Variants in VWF observed in about 807,000 individuals in gnomAD.
VWF encodes the protein Factor VIII related antigen.
VWF carries 176 observed loss-of-function variants against 308.6 expected under a neutral mutation model. That is an observed-to-expected ratio of 0.57 (90% confidence interval 0.50 to 0.65). The LOEUF (loss-of-function observed/expected upper bound fraction) is 0.65, where lower values mean the gene tolerates loss of function less well. Among genes scored for constraint, VWF ranks in the 30% least tolerant of loss-of-function variants. The pLI is 0.00. For missense variants in VWF, 3,146 were observed against 3,648.2 expected (o/e 0.86, Z 3.55); for synonymous variants, 1,385 against 1,443.4 (o/e 0.96, Z 0.92).
chr12:6,086,123 T>G (rs1944969348), intron 6 of VWF, among the ~76,000 whole-genome samples: 2 of 152,098 alleles, frequency 1.3e-5, no homozygotes, highest in African/African-American at 4.8e-5. Flanking sequence ...GGAGCTCTGT[T>G]TACCTCAGAG....
At chr12:6,087,087 CA>C (rs1441839921) in intron 6 of VWF, among the ~76,000 whole-genome samples, 7 of 152,082 alleles carry the variant, frequency 4.6e-5, no homozygotes, top group Non-Finnish European at 7.3e-5. Flanking sequence ...ACACCAAATT[CA>C]GAGACCAGTG....
intron 34 of VWF, among the ~76,000 whole-genome samples, chr12:6,010,172 C>A (rs751460740): frequency 2.6e-5 from 4 of 152,004 alleles, no homozygotes; most frequent in Non-Finnish European, 5.9e-5. Flanking sequence ...AAGGCATGAG[C>A]AGAAAATTCA....
At chr12:6,098,742 G>A (rs1945130951) in intron 5 of VWF, among the ~76,000 whole-genome samples, 2 of 151,820 alleles carry the variant, frequency 1.3e-5, no homozygotes, top group South Asian at 4.2e-4. Context: ...TGGCACCACT[G>A]CACTCCAGCA....
In VWF at chr12:6,058,867, A is replaced by C. The variant is rs1944624293; in HGVS notation, c.1534-823T>G. 6.6e-6 allele frequency among the ~76,000 whole-genome samples: 1 copy of C among 152,130 alleles called. No individual in the cohort carries two copies. The highest frequency in any genetic ancestry group is 1.5e-5 in the Non-Finnish European group (1 of 68,010). On this transcript the variant is annotated intron_variant, in intron 13 of 51. Coordinates refer to ENST00000261405, the MANE Select transcript of VWF (RefSeq NM_000552.5). The surrounding 1 kb of genome is among the most constrained non-coding windows in gnomAD (Gnocchi z 4.9). ...GCAGAGTGGAGCCCGCCCTTCCCCC[A>C]CACAGCTGGGGGCATCTGCTGGTTT...
chr12:6,091,338 G>A (rs565126202), intron 6 of VWF, among the ~76,000 whole-genome samples: 1 of 152,120 alleles, frequency 6.6e-6, no homozygotes, highest in Non-Finnish European at 1.5e-5. Flanking sequence ...TTCTGGAATA[G>A]GAGAGGGCTG....
intron 45 of VWF, among the ~76,000 whole-genome samples, chr12:5,968,441 T>C (rs1402682764): frequency 6.6e-6 from 1 of 152,104 alleles, no homozygotes; most frequent in East Asian, 1.9e-4. Flanking sequence ...AGAGATGGGA[T>C]GAATGGGAGG....
At chr12:5,966,081 G>A (rs1024897973) in intron 47 of VWF, among the ~76,000 whole-genome samples, 2 of 152,124 alleles carry the variant, frequency 1.3e-5, no homozygotes, top group Non-Finnish European at 2.9e-5. Context: ...GGGAGTGAGC[G>A]GGCCTGCCCT....
At chr12:5,975,374 C>G (rs1943521998) in intron 43 of VWF, among the ~76,000 whole-genome samples, 1 of 152,158 alleles carries the variant, frequency 6.6e-6, no homozygotes, top group Non-Finnish European at 1.5e-5. Context: ...TCGCATTAAA[C>G]CAGCAAGCAG....
intron 22 of VWF, among the ~76,000 whole-genome samples, chr12:6,026,457 A>G (rs776263226): frequency 1.3e-5 from 2 of 152,192 alleles, no homozygotes; most frequent in Non-Finnish European, 2.9e-5. Context: ...AGGGAAAGTT[A>G]TAGAACTGCC....
chr12:6,013,564 G>C lies in VWF; in HGVS notation c.5537C>G (p.Ser1846Cys). 1 of 1,614,062 alleles carries C rather than the reference G, an allele frequency of 6.2e-7. No homozygotes were observed. Residue 1846 changes from serine (S) to cysteine (C), a missense_variant, in exon 32 of 52, where the codon TCC becomes TGC. Physicochemically the swap from Ser to Cys is moderately radical, Grantham distance 112. Around this residue, in one of 3 missense-constraint regions of VWF, gnomAD observed 853 missense variants for 1,177.8 expected, o/e 0.72. Coordinates refer to ENST00000261405, the MANE Select transcript of VWF (RefSeq NM_000552.5). ...LRILAGPAGD[S>C]NVVKLQRIED... ...GATTCGCTGGAGCTTCACCACGTTG[G>C]AGTCGCCTGCTGGGCCTGCCAAGAT...
At chr12:6,068,813 CTTCCT>C (rs1412175397) in intron 10 of VWF, among the ~76,000 whole-genome samples, 3,466 of 125,974 alleles carry the variant, frequency 0.028, 159 homozygotes, top group African/African-American at 0.1. Flanking sequence ...TTTTCTTTTT[CTTCCT>C]TTTTTTTTTT....
chr12:5,988,218 CT>C (rs534976763), intron 38 of VWF, among the ~76,000 whole-genome samples: 2 of 152,264 alleles, frequency 1.3e-5, no homozygotes, highest in East Asian at 3.9e-4. Context: ...AGGCAGGTGG[CT>C]GAAGACAATG....
At chr12:5,953,232 GA>G (rs946429924) in intron 48 of VWF, among the ~76,000 whole-genome samples, 15 of 146,538 alleles carry the variant, frequency 1.0e-4, no homozygotes, top group South Asian at 8.7e-4. Flanking sequence ...TCTCAAGAAA[GA>G]AAAAAAAAAG....
intron 6 of VWF, among the ~76,000 whole-genome samples, chr12:6,089,125 C>T (rs768732083): frequency 6.6e-6 from 1 of 152,174 alleles, no homozygotes; most frequent in African/African-American, 2.4e-5. Context: ...ATAAATGATG[C>T]GGCATTTACC....
intron 32 of VWF, among the ~76,000 whole-genome samples, chr12:6,012,704 T>TG (rs1491473058): frequency 0.13 from 4,399 of 35,190 alleles, 158 homozygotes; most frequent in African/African-American, 0.35. Context: ...TGTGTGTGTA[T>TG]TTTTTTTTTT....
Position 6,072,229 on chromosome 12 carries a change from C to T in VWF, c.1109+102G>A, listed in dbSNP as rs945006702. 1.8e-4 allele frequency: 185 copies of T among 1,055,404 alleles called. No individual in the cohort carries two copies. The Admixed American group carries it at 2.9e-3, about 17-fold the overall frequency. The allele number at this position is 1,055,404 out of a possible 1,614,324, so 65.4% of individuals were successfully genotyped here. On this transcript the variant is annotated intron_variant, in intron 9 of 51. Transcript: ENST00000261405. ...CAACTCAGTCTCTTCTTTCTTGGCA[C>T]GGTCCAGGTTCTTTTCCACCTGCCA...
rs771415827 is a variant in VWF, at chr12:6,110,341, A to C, written c.532+33T>G. ...GCAAGGAAATAAAAAGCATGGCCAC[A>C]CTTTAGGGAAATGGTATCCCAGAAC... On this transcript the variant is annotated intron_variant, in intron 5 of 51. Transcript: ENST00000261405. The C allele has an allele frequency of 5.0e-6, 8 of 1,607,090 alleles. No individual in the cohort carries two copies. The South Asian group carries it at 7.7e-5, about 15-fold the overall frequency.
At chr12:6,076,907 C>T (rs1241084052) in intron 6 of VWF, among the ~76,000 whole-genome samples, 4 of 152,206 alleles carry the variant, frequency 2.6e-5, no homozygotes, top group Non-Finnish European at 5.9e-5. Flanking sequence ...TCTCGAAATC[C>T]AGTCCGGCAG....
intron 16 of VWF, among the ~76,000 whole-genome samples, chr12:6,047,930 G>A (rs1414866133): frequency 6.6e-6 from 1 of 152,178 alleles, no homozygotes; most frequent in Non-Finnish European, 1.5e-5. Context: ...AAGGATTTTA[G>A]TCTATCTGCA....
Sources: allele counts gnomAD v4.1 joint callset (sites outside exome capture counted in the v4.1 genomes callset), GRCh38; gene constraint gnomAD v4.1.1; regional missense constraint gnomAD v4.1.1; non-coding constraint Gnocchi (gnomAD v3.1); transcripts MANE v1.5; gene names NCBI Gene and HGNC (gene_info 2026-07-23, HGNC 2026-07-21).